The following MACROD2 variants were observed in gnomAD, a reference collection of about 807,000 sequenced individuals.
MACROD2 encodes ADP-ribose glycohydrolase MACROD2.
In MACROD2, 36 loss-of-function variants were observed where a neutral mutation model predicts 70.4. The observed-to-expected ratio is 0.51, with a 90% CI of 0.39 to 0.68. The LOEUF is 0.68. MACROD2 is among the 30% of genes least tolerant of loss of function. The pLI, the probability that MACROD2 is intolerant of heterozygous loss-of-function variation, is 0.00. For synonymous variants in MACROD2, 172 were observed against 178.8 expected (o/e 0.96, Z 0.30); for missense variants, 496 against 538.4 (o/e 0.92, Z 0.78).
In MACROD2 at chr20:15,399,585, T is replaced by C. The variant is rs1398719727; in HGVS notation, c.541-31820T>C. On this transcript the variant is annotated intron_variant, in intron 6 of 17. Transcript: ENST00000684519. ...AGTCATCTCCTTTTATTTGTGCCTG[T>C]TATCCAGTCTTTAGCGTAGCTAGAT... is the stretch of plus-strand genomic sequence containing the variant. Among the ~76,000 whole-genome samples, 4 of 152,362 alleles carry C rather than the reference T, an allele frequency of 2.6e-5. No homozygotes were observed. The East Asian group carries it at 7.7e-4, about 29-fold the overall frequency.
At chr20:15,590,756 G>A (rs2048665972) in intron 8 of MACROD2, among the ~76,000 whole-genome samples, 1 of 151,944 alleles carries the variant, frequency 6.6e-6, no homozygotes, top group Non-Finnish European at 1.5e-5. Context: ...TTGCATGCCT[G>A]TAATCCCAGC....
At chr20:14,927,207 A>G (rs1294698066) in intron 5 of MACROD2, among the ~76,000 whole-genome samples, 1 of 152,178 alleles carries the variant, frequency 6.6e-6, no homozygotes, top group Non-Finnish European at 1.5e-5. Context: ...AGGGGAAAAA[A>G]TGTTGTTACA....
chr20:14,167,309 T>C (rs1457794959), intron 3 of MACROD2, among the ~76,000 whole-genome samples: 1 of 152,170 alleles, frequency 6.6e-6, no homozygotes, highest in Non-Finnish European at 1.5e-5. Context: ...CATGATTATA[T>C]GCTTCTTCAC....
chr20:14,317,284 A>T (rs2082620575), intron 3 of MACROD2, among the ~76,000 whole-genome samples: 1 of 152,060 alleles, frequency 6.6e-6, no homozygotes. Context: ...CATGGTACCT[A>T]TCATAGTTTT....
chr20:14,309,884 T>A (rs1213554864), intron 3 of MACROD2, among the ~76,000 whole-genome samples: 1 of 152,206 alleles, frequency 6.6e-6, no homozygotes, highest in Non-Finnish European at 1.5e-5. Context: ...TTTAGTAGAA[T>A]ATCAGTGCTA....
At chr20:15,030,207 C>G (rs1405875802) in intron 5 of MACROD2, among the ~76,000 whole-genome samples, 1 of 152,082 alleles carries the variant, frequency 6.6e-6, no homozygotes. Flanking sequence ...GTGGAAGGTC[C>G]CTTTGCACAA....
chr20:14,942,027 G>T (rs2074394851), intron 5 of MACROD2, among the ~76,000 whole-genome samples: 1 of 151,296 alleles, frequency 6.6e-6, no homozygotes, highest in Admixed American at 6.6e-5. Context: ...TCAAACACCT[G>T]AACTCAAGCA....
At chr20:14,784,058 G>C (rs866210848) in intron 5 of MACROD2, among the ~76,000 whole-genome samples, 4 of 151,876 alleles carry the variant, frequency 2.6e-5, no homozygotes, top group African/African-American at 4.8e-5. Flanking sequence ...AAAGGCAGGG[G>C]GATGTGGGTG....
At chr20:14,582,634 G>C (rs1200738527) in intron 4 of MACROD2, among the ~76,000 whole-genome samples, 2 of 152,156 alleles carry the variant, frequency 1.3e-5, no homozygotes, top group Non-Finnish European at 2.9e-5. Context: ...ACTTGGTGTA[G>C]TGGAAAGGCA....
At chr20:14,041,259 A>G (rs2053386557) in intron 2 of MACROD2, among the ~76,000 whole-genome samples, 1 of 152,224 alleles carries the variant, frequency 6.6e-6, no homozygotes, top group South Asian at 2.1e-4. Context: ...ATGAACCAGA[A>G]GTATGAATTA....
chr20:14,333,942 C>G (rs138921766), intron 3 of MACROD2, among the ~76,000 whole-genome samples: 2 of 152,272 alleles, frequency 1.3e-5, no homozygotes, highest in East Asian at 3.9e-4. Flanking sequence ...GTAACTTGTG[C>G]ACATGTAAAG....
chr20:14,719,398 A>G (rs1262986564), intron 5 of MACROD2, among the ~76,000 whole-genome samples: 1 of 151,776 alleles, frequency 6.6e-6, no homozygotes, highest in East Asian at 1.9e-4. Flanking sequence ...AGAATTCCCA[A>G]ATTCTCACTT....
At chr20:15,498,544 A>G (rs1202086345) in intron 7 of MACROD2, among the ~76,000 whole-genome samples, 1 of 152,234 alleles carries the variant, frequency 6.6e-6, no homozygotes, top group Non-Finnish European at 1.5e-5. Context: ...GAAAGAAGCC[A>G]GGAAAGAATT....
At chr20:15,597,116 AC>A (rs1424878080) in intron 8 of MACROD2, among the ~76,000 whole-genome samples, 1 of 152,094 alleles carries the variant, frequency 6.6e-6, no homozygotes, top group African/African-American at 2.4e-5. Context: ...TTGAGGACAA[AC>A]TTTTTGAAGA....
intron 6 of MACROD2, among the ~76,000 whole-genome samples, chr20:15,401,999 G>A (rs1027786169): frequency 6.6e-6 from 1 of 152,140 alleles, no homozygotes; most frequent in Non-Finnish European, 1.5e-5. Flanking sequence ...AACAAGATTT[G>A]CCTGTGGAAA....
intron 3 of MACROD2, among the ~76,000 whole-genome samples, chr20:14,132,285 C>T (rs372560704): frequency 1.8e-4 from 27 of 151,974 alleles, no homozygotes; most frequent in East Asian, 1.2e-3. Flanking sequence ...TGGGCTCAAG[C>T]GATCCTCCTG....
intron 6 of MACROD2, among the ~76,000 whole-genome samples, chr20:15,361,757 A>C (rs1182933796): frequency 6.6e-6 from 1 of 152,078 alleles, no homozygotes; most frequent in Non-Finnish European, 1.5e-5. Flanking sequence ...AGTTTTCAGC[A>C]CAGAAGTCCT....
chr20:15,729,619 T>C (rs2050914594), intron 8 of MACROD2, among the ~76,000 whole-genome samples: 1 of 152,134 alleles, frequency 6.6e-6, no homozygotes, highest in South Asian at 2.1e-4. Flanking sequence ...GTTGAACTGA[T>C]GTTCGTTGTT....
At chr20:15,523,544 C>T (rs1208027411) in intron 8 of MACROD2, among the ~76,000 whole-genome samples, 3 of 152,034 alleles carry the variant, frequency 2.0e-5, no homozygotes, top group Non-Finnish European at 2.9e-5. Context: ...AAAGAAGCTG[C>T]ACACACATGG....
Sources: allele counts gnomAD v4.1 joint callset (sites outside exome capture counted in the v4.1 genomes callset), GRCh38; gene constraint gnomAD v4.1.1; transcripts MANE v1.5; gene names NCBI Gene and HGNC (gene_info 2026-07-23, HGNC 2026-07-21).